The following KCTD16 variants were observed in gnomAD, a reference collection of about 807,000 sequenced individuals.
The protein encoded by KCTD16 is potassium channel tetramerization domain containing 16.
In KCTD16, 13 loss-of-function variants were observed where a neutral mutation model predicts 33.2. The observed-to-expected ratio is 0.39, with a 90% CI of 0.25 to 0.62. The LOEUF is 0.62. Ranked by LOEUF, KCTD16 falls within the 20% of genes least tolerant of loss-of-function variation. The pLI, the probability that KCTD16 is intolerant of heterozygous loss-of-function variation, is 0.50. For missense variants in KCTD16, 441 were observed against 525.1 expected, an observed-to-expected ratio of 0.84 and a Z score of 1.57; for synonymous variants, 197 against 195.3, an observed-to-expected ratio of 1.01 and a Z score of -0.07.
intron 3 of KCTD16, among the ~76,000 whole-genome samples, chr5:144,408,967 C>T (rs1431727234): frequency 6.6e-6 from 1 of 152,190 alleles, no homozygotes; most frequent in African/African-American, 2.4e-5. Context: ...TATTGTGTCA[C>T]ATTTTTGTGA....
chr5:144,428,014 A>C lies in KCTD16; in HGVS notation c.833-45646A>C, dbSNP rs766065368. Among the ~76,000 whole-genome samples, 13 of 152,098 alleles carry C rather than the reference A, an allele frequency of 8.5e-5. 1 individual carries two copies. Among genetic ancestry groups the C allele is most frequent in the Admixed American group, 6.6e-5 (1 of 15,254 alleles). On this transcript the variant is annotated intron_variant, in intron 3 of 3. Transcript: ENST00000512467. ...TATCTGTCACAGAGTAAGAACTCAA[A>C]GAATTTGACCTCTTTCCCTTCATAG...
chr5:144,206,035 C>T (rs1435023728), intron 2 of KCTD16: 1 of 153,292 alleles, frequency 6.5e-6, no homozygotes, highest in Non-Finnish European at 1.5e-5. Context: ...CTCCAGCACT[C>T]ACTAAGGTAA....
At chr5:144,462,306 C>T (rs1247164127) in intron 3 of KCTD16, among the ~76,000 whole-genome samples, 1 of 152,086 alleles carries the variant, frequency 6.6e-6, no homozygotes, top group East Asian at 1.9e-4. Flanking sequence ...TCACTTTTGG[C>T]CACATTCATC....
In KCTD16 at chr5:144,481,654, C is replaced by T. The variant is rs753621477; in HGVS notation, c.*7540C>T. Reference sequence around the variant, plus strand: ...AACTAAGGACCCAGAAAGTTTAAATCGGTCATTTATTTGTTTGTTTATGCA... The same window carrying T: ...AACTAAGGACCCAGAAAGTTTAAATTGGTCATTTATTTGTTTGTTTATGCA... On this transcript the variant is annotated 3_prime_UTR_variant, in exon 4 of 4. Coordinates refer to ENST00000512467, the MANE Select transcript of KCTD16 (RefSeq NM_020768.4). The T allele has an allele frequency of 5.3e-5, 8 of 151,888 alleles. No individual in the cohort carries two copies. Among genetic ancestry groups the T allele is most frequent in the South Asian group, 2.1e-4 (1 of 4,814 alleles). 9.4% of individuals were successfully genotyped at this position (151,888 alleles called of 1,614,324 possible).
chr5:144,308,549 A>G (rs990554699), intron 3 of KCTD16, among the ~76,000 whole-genome samples: 2 of 152,184 alleles, frequency 1.3e-5, no homozygotes, highest in Non-Finnish European at 2.9e-5. Flanking sequence ...GTTCCATTTT[A>G]TGGGGATCTG....
intron 3 of KCTD16, among the ~76,000 whole-genome samples, chr5:144,252,999 G>A (rs1754744518): frequency 6.6e-6 from 1 of 150,762 alleles, no homozygotes; most frequent in Non-Finnish European, 1.5e-5. Context: ...ATTGTTTGAA[G>A]CCAGACCTGC....
At chr5:144,268,618 G>T (rs962414588) in intron 3 of KCTD16, among the ~76,000 whole-genome samples, 2 of 152,068 alleles carry the variant, frequency 1.3e-5, no homozygotes, top group East Asian at 3.9e-4. Context: ...GTAGACCCTG[G>T]TTTATAGAGT....
At chr5:144,247,908 C>T (rs1754594677) in intron 3 of KCTD16, among the ~76,000 whole-genome samples, 1 of 152,214 alleles carries the variant, frequency 6.6e-6, no homozygotes, top group African/African-American at 2.4e-5. Context: ...TCCCTGCAAG[C>T]AACACCTGAT....
At chr5:144,403,998 T>A (rs1353252290) in intron 3 of KCTD16, among the ~76,000 whole-genome samples, 1 of 152,166 alleles carries the variant, frequency 6.6e-6, no homozygotes, top group African/African-American at 2.4e-5. Flanking sequence ...AAGCAGGCCG[T>A]GCGCATCCCC....
intron 3 of KCTD16, among the ~76,000 whole-genome samples, chr5:144,268,046 G>A (rs1022127753): frequency 6.6e-6 from 1 of 152,102 alleles, no homozygotes; most frequent in African/African-American, 2.4e-5. Flanking sequence ...TGTATTGCAC[G>A]CTTCAGACTT....
chr5:144,195,078 C>T (rs551479494), intron 2 of KCTD16, among the ~76,000 whole-genome samples: 1 of 152,176 alleles, frequency 6.6e-6, no homozygotes, highest in African/African-American at 2.4e-5. Flanking sequence ...CCCAGACCCT[C>T]AGGATATCCT....
chr5:144,194,626 A>T (rs1437790071), intron 2 of KCTD16, among the ~76,000 whole-genome samples: 2 of 152,240 alleles, frequency 1.3e-5, no homozygotes, highest in African/African-American at 4.8e-5. Flanking sequence ...CAGTTAGTGC[A>T]CTAAGCATTT....
chr5:144,465,248 T>C (rs11949993), intron 3 of KCTD16, among the ~76,000 whole-genome samples: 2,974 of 145,630 alleles, frequency 0.02, 101 homozygotes, highest in African/African-American at 0.072. Context: ...ACATTAGGCA[T>C]GTGATCATAT....
intron 3 of KCTD16, among the ~76,000 whole-genome samples, chr5:144,318,089 T>C (rs181653751): frequency 9.5e-4 from 144 of 152,344 alleles, no homozygotes; most frequent in Admixed American, 2.7e-3. Context: ...CTCCTGGCTA[T>C]GCAATGTTTC....
At chr5:144,329,038 T>A (rs1356782562) in intron 3 of KCTD16, among the ~76,000 whole-genome samples, 1 of 152,162 alleles carries the variant, frequency 6.6e-6, no homozygotes, top group African/African-American at 2.4e-5. Flanking sequence ...AGCAGTTTTT[T>A]AAAGCCCTCT....
chr5:144,477,190 C>CT lies in KCTD16; in HGVS notation c.*3077dup, dbSNP rs1413735751. 6.6e-6 allele frequency: 1 copy of CT among 152,088 alleles called. No individual in the cohort carries two copies. Among genetic ancestry groups the CT allele is most frequent in the African/African-American group, 2.4e-5 (1 of 41,432 alleles). The allele number at this position is 152,088 out of a possible 1,614,324, so 9.4% of individuals were successfully genotyped here. A position where few individuals can be genotyped will look rare whatever the true frequency, so the allele number is the denominator to read the frequency against. On this transcript the variant is annotated 3_prime_UTR_variant, in exon 4 of 4. Transcript: ENST00000512467. ...AGGGGAAGACAGGAATGTAAAACTA[C>CT]TAGATCATATGGTATTGTGATTTTC...
intron 3 of KCTD16, among the ~76,000 whole-genome samples, chr5:144,334,476 C>G (rs1389292477): frequency 6.6e-6 from 1 of 152,096 alleles, no homozygotes; most frequent in Non-Finnish European, 1.5e-5. Context: ...AATTCTAAAC[C>G]AGTGAACCAT....
At chr5:144,380,464 A>AT (rs891693861) in intron 3 of KCTD16, among the ~76,000 whole-genome samples, 6 of 152,190 alleles carry the variant, frequency 3.9e-5, no homozygotes. Context: ...TATGAATGCC[A>AT]TTTTTTACAG....
chr5:144,394,950 A>T (rs1043743692), intron 3 of KCTD16, among the ~76,000 whole-genome samples: 4 of 152,212 alleles, frequency 2.6e-5, no homozygotes, highest in Non-Finnish European at 5.9e-5. Flanking sequence ...TGATGAGATG[A>T]CAAGTTATAG....
Sources: gnomAD v4.1 joint callset for allele counts (sites outside exome capture counted in the v4.1 genomes callset) on GRCh38, gnomAD v4.1.1 for gene constraint, MANE v1.5 for transcripts, NCBI Gene and HGNC (gene_info 2026-07-23, HGNC 2026-07-21) for gene names.